Variants in DLG2 observed in about 807,000 individuals in gnomAD.
DLG2 encodes discs large MAGUK scaffold protein 2.
A neutral mutation model predicts 132.5 loss-of-function variants in DLG2; 45 were observed. That is an observed-to-expected ratio of 0.34 (90% CI 0.27 to 0.44). The LOEUF (loss-of-function observed/expected upper bound fraction) is 0.44, where lower values mean the gene tolerates loss of function less well. DLG2 is among the 20% of genes least tolerant of loss of function. The probability of loss-of-function intolerance (pLI) is 1.00; values close to 1 mark genes in which losing one functional copy is unlikely to be tolerated. For synonymous variants in DLG2, 424 were observed against 419.6 expected (o/e 1.01, Z -0.13); for missense variants, 1,045 against 1,196.9 (o/e 0.87, Z 1.87).
At chr11:84,888,592 C>T (rs1006267300) in intron 6 of DLG2, among the ~76,000 whole-genome samples, 1 of 151,524 alleles carries the variant, frequency 6.6e-6, no homozygotes, top group Non-Finnish European at 1.5e-5. Context: ...TATATATCTC[C>T]TATTGGCTAT....
chr11:84,821,588 C>G (rs1309157290), intron 6 of DLG2, among the ~76,000 whole-genome samples: 1 of 147,550 alleles, frequency 6.8e-6, no homozygotes, highest in African/African-American at 2.5e-5. Context: ...CCAGATTTAG[C>G]TCCTATGTAT....
intron 3 of DLG2, among the ~76,000 whole-genome samples, chr11:85,488,163 G>A (rs938228091): frequency 2.6e-5 from 4 of 152,168 alleles, no homozygotes; most frequent in Non-Finnish European, 4.4e-5. Context: ...GGCTGAAGTG[G>A]GCGGATCACG....
intron 6 of DLG2, among the ~76,000 whole-genome samples, chr11:84,640,737 C>G (rs960230698): frequency 6.6e-6 from 1 of 152,078 alleles, no homozygotes; most frequent in African/African-American, 2.4e-5. Flanking sequence ...GTCAGGAGTT[C>G]AAGACCAGCC....
intron 4 of DLG2, among the ~76,000 whole-genome samples, chr11:85,191,143 TGCGCGCGCGC>T (rs201015532): frequency 1.4e-5 from 2 of 141,214 alleles, no homozygotes; most frequent in Non-Finnish European, 3.0e-5. Flanking sequence ...TCTATATGCA[TGCGCGCGCGC>T]GCACGCGCGC....
chr11:85,338,701 ATTTT>A (rs35378658), intron 3 of DLG2, among the ~76,000 whole-genome samples: 4 of 83,570 alleles, frequency 4.8e-5, no homozygotes, highest in Admixed American at 1.4e-4. Flanking sequence ...TGTATAAATA[ATTTT>A]TTTTTTTTTT....
At chr11:85,470,240 A>G (rs1318335161) in intron 3 of DLG2, among the ~76,000 whole-genome samples, 1 of 151,538 alleles carries the variant, frequency 6.6e-6, no homozygotes, top group Non-Finnish European at 1.5e-5. Context: ...AATCCCCCCA[A>G]TCATTTAAAA....
intron 3 of DLG2, among the ~76,000 whole-genome samples, chr11:85,529,963 G>C (rs2075068818): frequency 6.6e-6 from 1 of 150,436 alleles, no homozygotes; most frequent in Admixed American, 6.6e-5. Context: ...TAAACTTAGG[G>C]GTAGATCTGC....
intron 15 of DLG2, among the ~76,000 whole-genome samples, chr11:83,879,159 G>T (rs2154072237): frequency 6.6e-6 from 1 of 152,282 alleles, no homozygotes; most frequent in African/African-American, 2.4e-5. Flanking sequence ...GGTCCTAGCT[G>T]GTGGTAACAA....
In DLG2 at chr11:84,149,852, G is replaced by C. The variant is rs1023625876; in HGVS notation, c.624+13609C>G. Among the ~76,000 whole-genome samples, 4 of 151,986 alleles carry C rather than the reference G, an allele frequency of 2.6e-5. No homozygotes were observed. The East Asian group carries it at 7.8e-4, about 29-fold the overall frequency. On this transcript the variant is annotated intron_variant, in intron 9 of 27. Transcript: ENST00000376104. ...GGCTCACTGCAGCCTCCACCTCCCG[G>C]GTTCAAGTGATTCTTCTGCTTCACC... is the stretch of plus-strand genomic sequence containing the variant.
intron 6 of DLG2, among the ~76,000 whole-genome samples, chr11:85,025,397 A>G (rs1398683327): frequency 6.6e-6 from 1 of 152,226 alleles, no homozygotes; most frequent in East Asian, 1.9e-4. Flanking sequence ...AATGTTAGAC[A>G]CTATAGCCAA....
intron 4 of DLG2, among the ~76,000 whole-genome samples, chr11:85,228,983 C>CT (rs908627914): frequency 6.6e-6 from 1 of 150,518 alleles, no homozygotes; most frequent in Non-Finnish European, 1.5e-5. Flanking sequence ...TTTCCTATAC[C>CT]TTTTTTTGTA....
chr11:85,441,678 G>C (rs1437964920), intron 3 of DLG2, among the ~76,000 whole-genome samples: 1 of 152,140 alleles, frequency 6.6e-6, no homozygotes, highest in African/African-American at 2.4e-5. Flanking sequence ...ATTATTGATA[G>C]CACAAAGTGT....
rs80065092 is a variant in DLG2, at chr11:85,235,503, T to C, written c.186+49717A>G. On this transcript the variant is annotated intron_variant, in intron 4 of 27. Transcript: ENST00000376104. The stretch of plus-strand genomic sequence containing the variant: ...TACAAGCAAAATTCATTTTTGTTTA[T>C]GTTGTTAGGAAAATCTTCCAAAAAT... Among the ~76,000 whole-genome samples, 1,139 of 152,098 alleles carry C rather than the reference T, an allele frequency of 7.5e-3. 18 individuals are homozygous for C. Among genetic ancestry groups the C allele is most frequent in the African/African-American group, 0.026 (1,092 of 41,540 alleles).
intron 6 of DLG2, among the ~76,000 whole-genome samples, chr11:84,939,171 T>C (rs1471819170): frequency 6.6e-6 from 1 of 152,128 alleles, no homozygotes; most frequent in African/African-American, 2.4e-5. Context: ...AAAGATATTA[T>C]AACAAGTATA....
intron 6 of DLG2, among the ~76,000 whole-genome samples, chr11:84,653,623 T>G (rs1393319050): frequency 6.6e-6 from 1 of 152,188 alleles, no homozygotes; most frequent in East Asian, 1.9e-4. Context: ...TATCTTGCAC[T>G]ATCATGACAG....
chr11:84,724,425 G>A (rs1374561987), intron 6 of DLG2, among the ~76,000 whole-genome samples: 1 of 152,100 alleles, frequency 6.6e-6, no homozygotes, highest in African/African-American at 2.4e-5. Context: ...CAGAGTGCTA[G>A]AGCCAATCCT....
chr11:83,834,474 C>T (rs2154004141), intron 16 of DLG2, among the ~76,000 whole-genome samples: 1 of 152,060 alleles, frequency 6.6e-6, no homozygotes, highest in South Asian at 2.1e-4. Flanking sequence ...GCAGTAGGTC[C>T]AGAGATGACT....
At chr11:83,741,669 G>GA (rs562392767) in intron 18 of DLG2, among the ~76,000 whole-genome samples, 1 of 151,950 alleles carries the variant, frequency 6.6e-6, no homozygotes, top group Non-Finnish European at 1.5e-5. Flanking sequence ...ACAAATAAAT[G>GA]AAAAAATATT....
intron 3 of DLG2, among the ~76,000 whole-genome samples, chr11:85,446,854 A>G (rs1367440710): frequency 6.6e-6 from 1 of 151,880 alleles, no homozygotes; most frequent in East Asian, 1.9e-4. Context: ...ATATTTTAAA[A>G]TTTAGAATGT....
Sources: allele counts gnomAD v4.1 joint callset (sites outside exome capture counted in the v4.1 genomes callset), GRCh38; gene constraint gnomAD v4.1.1; transcripts MANE v1.5; gene names NCBI Gene and HGNC (gene_info 2026-07-23, HGNC 2026-07-21).